Variants in KAZN observed in about 807,000 individuals in gnomAD.
KAZN encodes the protein kazrin, periplakin interacting protein, also known as kazrin.
Under a neutral mutation model 87.4 loss-of-function variants are expected in KAZN, and 40 were observed. The ratio of observed to expected loss-of-function variants is 0.46; its 90% CI spans 0.36 to 0.60. KAZN has a LOEUF of 0.60. Among genes scored for constraint, KAZN ranks in the 20% least tolerant of loss-of-function variants. The pLI is 0.00. For missense variants in KAZN, 898 were observed against 1,073.9 expected, an observed-to-expected ratio of 0.84 and a Z score of 2.29; for synonymous variants, 466 against 458.3, an observed-to-expected ratio of 1.02 and a Z score of -0.22.
chr1:14,477,995 A>C (rs1214854850), intron 2 of KAZN, among the ~76,000 whole-genome samples: 1 of 152,206 alleles, frequency 6.6e-6, no homozygotes, highest in Non-Finnish European at 1.5e-5. Context: ...GTGTCTCCAC[A>C]GCTCACCGCT....
chr1:14,570,219 T>C (rs1336033658), intron 2 of KAZN, among the ~76,000 whole-genome samples: 2 of 152,214 alleles, frequency 1.3e-5, no homozygotes, highest in Non-Finnish European at 2.9e-5. Flanking sequence ...GTTCCTTCAT[T>C]CCTCAGCTTT....
At chr1:13,999,401 C>T (rs1291330047) in intron 1 of KAZN, among the ~76,000 whole-genome samples, 2 of 151,922 alleles carry the variant, frequency 1.3e-5, no homozygotes, top group African/African-American at 2.4e-5. Context: ...AAAACCACAA[C>T]TCACTCAAAA....
At chr1:14,197,314 C>T (rs1351022843) in intron 2 of KAZN, among the ~76,000 whole-genome samples, 2 of 142,526 alleles carry the variant, frequency 1.4e-5, no homozygotes, top group African/African-American at 5.3e-5. Flanking sequence ...TGCTCTTGCA[C>T]AGGTTGTCAA....
intron 1 of KAZN, among the ~76,000 whole-genome samples, chr1:14,179,492 G>A (rs1441754471): frequency 1.3e-5 from 2 of 152,184 alleles, no homozygotes; most frequent in Non-Finnish European, 2.9e-5. Context: ...GACCCTCATG[G>A]CCAAAGCCAG....
chr1:14,532,218 A>G (rs1032070828), intron 2 of KAZN, among the ~76,000 whole-genome samples: 6 of 151,968 alleles, frequency 3.9e-5, no homozygotes, highest in African/African-American at 1.4e-4. Context: ...CTCAGCTACT[A>G]GAAACAATGT....
intron 1 of KAZN, among the ~76,000 whole-genome samples, chr1:14,882,975 CTCCT>C (rs1419563592): frequency 1.3e-5 from 2 of 152,070 alleles, no homozygotes; most frequent in Admixed American, 1.3e-4. Flanking sequence ...TCCAGAGCTG[CTCCT>C]TAACCACTCA....
At chr1:15,011,091 GT>G (rs1669528178) in intron 2 of KAZN, among the ~76,000 whole-genome samples, 1 of 152,176 alleles carries the variant, frequency 6.6e-6, no homozygotes, top group Non-Finnish European at 1.5e-5. Flanking sequence ...TTAAGAAAAT[GT>G]AGATATTAAC....
intron 2 of KAZN, among the ~76,000 whole-genome samples, chr1:14,529,106 C>A (rs934897525): frequency 1.3e-5 from 2 of 152,074 alleles, no homozygotes; most frequent in Admixed American, 6.5e-5. Flanking sequence ...GAGTTCGAGA[C>A]CAGCATGACC....
chr1:13,952,540 A>T (rs1177700991), intron 1 of KAZN, among the ~76,000 whole-genome samples: 1 of 151,902 alleles, frequency 6.6e-6, no homozygotes, highest in Admixed American at 6.6e-5. Context: ...TTTTGGCTTT[A>T]TTGACTCAGG....
intron 1 of KAZN, among the ~76,000 whole-genome samples, chr1:14,707,028 A>AC (rs1642247723): frequency 6.6e-6 from 1 of 152,220 alleles, no homozygotes; most frequent in Admixed American, 6.5e-5. Flanking sequence ...TTCAGAGGCC[A>AC]CAGATGGCTT....
At position 14,599,428 on chromosome 1, in the gene KAZN, G is replaced by A. The variant is rs1199150445; in HGVS notation, c.226+205G>A. Reference sequence around the variant, plus strand: ...TCATTCACGAAAACCCGAGCGCAGTGTGCACGGGGTCACACGGTCACACCG... The same window carrying A: ...TCATTCACGAAAACCCGAGCGCAGTATGCACGGGGTCACACGGTCACACCG... On this transcript the variant is annotated intron_variant, in intron 1 of 14. Transcript: ENST00000376030. The surrounding 1 kb of genome is among the most constrained non-coding windows in gnomAD (Gnocchi z 4.4). 2.0e-5 allele frequency among the ~76,000 whole-genome samples: 3 copies of A among 152,076 alleles called. No individual in the cohort carries two copies. The highest frequency in any genetic ancestry group is 4.8e-5 in the African/African-American group (2 of 41,410).
intron 2 of KAZN, among the ~76,000 whole-genome samples, chr1:14,325,094 C>G (rs1656314136): frequency 6.6e-6 from 1 of 152,166 alleles, no homozygotes; most frequent in Non-Finnish European, 1.5e-5. Context: ...TCTTAATGTG[C>G]TTTATAATTT....
In KAZN at chr1:14,811,300, C is replaced by A. The variant is rs572420101; in HGVS notation, c.227-149384C>A. Among the ~76,000 whole-genome samples the A allele has an allele frequency of 7.9e-5, 12 of 152,312 alleles. No homozygotes were observed. The East Asian group carries it at 2.3e-3, about 29-fold the overall frequency. On this transcript the variant is annotated intron_variant, in intron 1 of 14. Transcript: ENST00000376030. ...GTTCCCAAATGTTAGTCAACTCCAACTATAAATCAAGCCCCAAATCTTGAA... is the reference window on the plus strand; with the variant it reads ...GTTCCCAAATGTTAGTCAACTCCAAATATAAATCAAGCCCCAAATCTTGAA...
At chr1:14,011,398 C>A (rs1640305732) in intron 1 of KAZN, among the ~76,000 whole-genome samples, 1 of 152,210 alleles carries the variant, frequency 6.6e-6, no homozygotes, top group Admixed American at 6.5e-5. Flanking sequence ...CTTCCCCAGT[C>A]TTCACCTGGC....
intron 1 of KAZN, among the ~76,000 whole-genome samples, chr1:14,611,333 A>G (rs569507933): frequency 6.6e-6 from 1 of 152,320 alleles, no homozygotes; most frequent in South Asian, 2.1e-4. Context: ...ACTTCATTTG[A>G]AGATCTATTT....
rs1431951089 is a variant in KAZN, at chr1:14,556,621, T to C, written c.250-42362T>C. Among the ~76,000 whole-genome samples, 5 of 152,132 alleles carry C rather than the reference T, an allele frequency of 3.3e-5. No homozygotes were observed. The East Asian group carries it at 9.6e-4, about 29-fold the overall frequency. On this transcript the variant is annotated intron_variant, in intron 2 of 16. Coordinates refer to the KAZN transcript ENST00000636203. Reference sequence around the variant, plus strand: ...CAGGATGTTTTTTTTCAGTTTGTATTCTGTTTTATCCAAATTGATAGTTGT... The same window carrying C: ...CAGGATGTTTTTTTTCAGTTTGTATCCTGTTTTATCCAAATTGATAGTTGT...
intron 2 of KAZN, among the ~76,000 whole-genome samples, chr1:14,418,808 G>C (rs1345766860): frequency 6.6e-6 from 1 of 152,180 alleles, no homozygotes; most frequent in Admixed American, 6.5e-5. Context: ...CGCCTACAGA[G>C]AATCCCTCAG....
In KAZN at chr1:14,656,954, G is replaced by A. The variant is rs1022106772; in HGVS notation, c.226+57731G>A. On this transcript the variant is annotated intron_variant, in intron 1 of 14. Transcript: ENST00000376030. ...TACAGGCCAGGAAACTGAAGTTGGC[G>A]GAGATTCCTCTAGCTGGCAGAATGA... is the stretch of plus-strand genomic sequence containing the variant. Among the ~76,000 whole-genome samples the A allele has an allele frequency of 1.2e-4, 18 of 152,308 alleles. 1 individual carries two copies. The highest frequency in any genetic ancestry group is 3.9e-4 in the East Asian group (2 of 5,182).
intron 1 of KAZN, among the ~76,000 whole-genome samples, chr1:14,029,651 A>G (rs1176025079): frequency 6.6e-6 from 1 of 151,624 alleles, no homozygotes; most frequent in Non-Finnish European, 1.5e-5. Flanking sequence ...TGATTTTTGT[A>G]TAAGGTGTAA....
Sources: gnomAD v4.1 joint callset for allele counts (sites outside exome capture counted in the v4.1 genomes callset) on GRCh38, gnomAD v4.1.1 for gene constraint, Gnocchi (gnomAD v3.1) non-coding constraint, MANE v1.5 for transcripts, NCBI Gene and HGNC (gene_info 2026-07-23, HGNC 2026-07-21) for gene names.